Variants in HCN1 observed in about 807,000 individuals in gnomAD.
HCN1 encodes hyperpolarization activated cyclic nucleotide gated potassium channel 1, also known as potassium/sodium hyperpolarization-activated cyclic nucleotide-gated channel 1.
A neutral mutation model predicts 78.9 loss-of-function variants in HCN1; 13 were observed. The observed-to-expected ratio is 0.16, with a 90% CI of 0.11 to 0.26. The LOEUF (loss-of-function observed/expected upper bound fraction) is 0.26, where lower values mean the gene tolerates loss of function less well. Ranked by LOEUF, HCN1 falls within the 10% of genes least tolerant of loss-of-function variation. The pLI, the probability that HCN1 is intolerant of heterozygous loss-of-function variation, is 1.00. For synonymous variants in HCN1, 552 were observed against 455.5 expected (o/e 1.21, Z -2.70); for missense variants, 810 against 1,154.3 (o/e 0.70, Z 4.32).
At chr5:45,465,483 G>A (rs1007897385) in intron 2 of HCN1, among the ~76,000 whole-genome samples, 1 of 152,022 alleles carries the variant, frequency 6.6e-6, no homozygotes, top group Non-Finnish European at 1.5e-5. Context: ...TCAGCCAGGT[G>A]CGGGGGCTCA....
chr5:45,462,651 G>C (rs778947753), intron 2 of HCN1, among the ~76,000 whole-genome samples: 3 of 151,878 alleles, frequency 2.0e-5, no homozygotes, highest in South Asian at 2.1e-4. Flanking sequence ...GTATTTTTAT[G>C]GTACAGGCTT....
At chr5:45,576,485 T>C (rs1743950827) in intron 2 of HCN1, 2 of 152,060 alleles carry the variant, frequency 1.3e-5, no homozygotes. Context: ...AACTTCCTTG[T>C]TGTCCTATTC....
intron 5 of HCN1, among the ~76,000 whole-genome samples, chr5:45,325,067 C>G (rs1746209243): frequency 6.6e-6 from 1 of 151,608 alleles, no homozygotes; most frequent in African/African-American, 2.4e-5. Context: ...GGAGCAGGAA[C>G]AGAATGTACT....
intron 5 of HCN1, among the ~76,000 whole-genome samples, chr5:45,321,414 A>G (rs1746123636): frequency 1.3e-5 from 2 of 151,916 alleles, no homozygotes; most frequent in African/African-American, 4.8e-5. Flanking sequence ...CTACAGAGCT[A>G]GAATATGTGT....
intron 5 of HCN1, among the ~76,000 whole-genome samples, chr5:45,319,024 G>C (rs185013340): frequency 9.2e-4 from 140 of 151,970 alleles, no homozygotes; most frequent in Non-Finnish European, 1.7e-3. Context: ...AGTGGGAGTT[G>C]ATTCTTTTTA....
Position 45,321,550 on chromosome 5 carries a change from A to C in HCN1, c.1378-17711T>G, listed in dbSNP as rs141559385. The stretch of plus-strand genomic sequence containing the variant: ...ATATTTTGCAATAGTGTATATTTCA[A>C]AATGAAAAAAAAGAGTCACTTTTAG... On this transcript the variant is annotated intron_variant, in intron 5 of 7. Transcript: ENST00000303230. Among the ~76,000 whole-genome samples the C allele has an allele frequency of 3.9e-5, 6 of 152,002 alleles. No individual in the cohort carries two copies. In the East Asian group the frequency reaches 1.2e-3, roughly 29 times the overall value.
rs1368101308 is a variant in HCN1, at chr5:45,359,368, C to CTATAAAT, written c.1231-6123_1231-6122insATTTATA. ...CATGTCTCAAATCTATAAAACACTGCCTATAAGAAGTTAACTTTTTACTTT... is the reference window on the plus strand; with the variant it reads ...CATGTCTCAAATCTATAAAACACTGCTATAAATCTATAAGAAGTTAACTTTTTACTTT... On this transcript the variant is annotated intron_variant, in intron 4 of 7. Coordinates refer to ENST00000303230, the MANE Select transcript of HCN1 (RefSeq NM_021072.4). Among the ~76,000 whole-genome samples, 23 of 149,366 alleles carry CTATAAAT rather than the reference C, an allele frequency of 1.5e-4. 1 individual carries two copies. The East Asian group carries it at 4.3e-3, about 28-fold the overall frequency.
At chr5:45,489,182 G>A (rs1015312241) in intron 2 of HCN1, among the ~76,000 whole-genome samples, 6 of 152,136 alleles carry the variant, frequency 3.9e-5, no homozygotes, top group African/African-American at 1.2e-4. Flanking sequence ...ATTTCTAAGC[G>A]AAGATGCCAG....
intron 2 of HCN1, among the ~76,000 whole-genome samples, chr5:45,585,694 TG>T (rs1166027871): frequency 6.6e-6 from 1 of 152,190 alleles, no homozygotes; most frequent in African/African-American, 2.4e-5. Context: ...GATGTACAGA[TG>T]GGGTTTTGGT....
chr5:45,370,272 A>T (rs1384576951), intron 4 of HCN1, among the ~76,000 whole-genome samples: 1 of 152,064 alleles, frequency 6.6e-6, no homozygotes, highest in Non-Finnish European at 1.5e-5. Context: ...AAAACAAGTT[A>T]AAAAAACCTG....
intron 2 of HCN1, among the ~76,000 whole-genome samples, chr5:45,533,160 G>A (rs963508292): frequency 6.6e-6 from 1 of 152,156 alleles, no homozygotes; most frequent in Non-Finnish European, 1.5e-5. Context: ...CAATTGATGT[G>A]TATGGTGTGT....
chr5:45,262,646 T>G lies in HCN1; in HGVS notation c.1948A>C (p.Thr650Pro), dbSNP rs776850213. 2 of 1,613,968 alleles carry G rather than the reference T, an allele frequency of 1.2e-6. No homozygotes were observed. Among genetic ancestry groups the G allele is most frequent in the Admixed American group, 1.7e-5 (1 of 60,002 alleles). ...GAGGTCGGGGTCGTAGTAGACGATG[T>G]GGAATTCAGGGTTGTCATTTGAGGA... ...NYPQMTTLNS[T>P]SSTTTPTSRM... Residue 650 changes from threonine (T) to proline (P), a missense_variant, in exon 8 of 8, where the codon ACA becomes CCA. Around this residue, in one of 6 missense-constraint regions of HCN1, gnomAD observed 398 missense variants for 381.3 expected, o/e 1.04. Transcript: ENST00000303230.
chr5:45,323,318 G>C (rs1235655024), intron 5 of HCN1, among the ~76,000 whole-genome samples: 1 of 151,792 alleles, frequency 6.6e-6, no homozygotes, highest in African/African-American at 2.4e-5. Flanking sequence ...GATATATTTA[G>C]TTAACAAATT....
chr5:45,436,356 T>C (rs1371173324), intron 3 of HCN1, among the ~76,000 whole-genome samples: 1 of 152,158 alleles, frequency 6.6e-6, no homozygotes, highest in East Asian at 1.9e-4. Context: ...CAAACATCTG[T>C]TGCTTAAGGC....
intron 5 of HCN1, among the ~76,000 whole-genome samples, chr5:45,349,027 T>G (rs765985170): frequency 1.3e-5 from 2 of 152,314 alleles, no homozygotes; most frequent in Middle Eastern, 3.4e-3. Context: ...GCGGACCTAA[T>G]AGACATCTAC....
intron 2 of HCN1, among the ~76,000 whole-genome samples, chr5:45,614,241 T>C (rs2111983800): frequency 1.3e-5 from 2 of 152,278 alleles, no homozygotes; most frequent in African/African-American, 4.8e-5. Context: ...ATTTGTATCC[T>C]GGAAGATGAT....
chr5:45,650,138 C>G (rs931221995), intron 1 of HCN1, among the ~76,000 whole-genome samples: 1 of 152,060 alleles, frequency 6.6e-6, no homozygotes, highest in African/African-American at 2.4e-5. Context: ...GAGTTAAAAT[C>G]CTAGCTCCAC....
intron 4 of HCN1, among the ~76,000 whole-genome samples, chr5:45,375,338 A>AAT (rs1486925180): frequency 8.1e-6 from 1 of 123,974 alleles, no homozygotes; most frequent in Non-Finnish European, 1.6e-5. Context: ...TATGATATAC[A>AAT]ATATATATAA....
At chr5:45,417,227 G>A (rs1000343672) in intron 3 of HCN1, among the ~76,000 whole-genome samples, 7 of 151,702 alleles carry the variant, frequency 4.6e-5, no homozygotes, top group African/African-American at 1.7e-4. Context: ...TTTGTCTCTA[G>A]GTGTACAACC....
Sources: allele counts gnomAD v4.1 joint callset (sites outside exome capture counted in the v4.1 genomes callset), GRCh38; gene constraint gnomAD v4.1.1; regional missense constraint gnomAD v4.1.1; transcripts MANE v1.5; gene names NCBI Gene and HGNC (gene_info 2026-07-23, HGNC 2026-07-21).